ITSN1: variants seen among roughly 807,000 people sequenced by gnomAD.
The protein encoded by ITSN1 is intersectin-1.
Under a neutral mutation model 239.8 loss-of-function variants are expected in ITSN1, and 58 were observed. That is an observed-to-expected ratio of 0.24 (90% CI 0.20 to 0.30). The LOEUF (loss-of-function observed/expected upper bound fraction) is 0.30, where lower values mean the gene tolerates loss of function less well. Among genes scored for constraint, ITSN1 ranks in the 10% least tolerant of loss-of-function variants. The pLI, the probability that ITSN1 is intolerant of heterozygous loss-of-function variation, is 1.00. For synonymous variants in ITSN1, 780 were observed against 770.8 expected (o/e 1.01, Z -0.20); for missense variants, 1,558 against 2,103.3 (o/e 0.74, Z 5.07).
rs191579985 is a variant in ITSN1 at position 33,885,482 on chromosome 21, C to T, written c.4803C>T (p.Asn1601=). The T allele has an allele frequency of 2.0e-5, 32 of 1,614,058 alleles. No homozygotes were observed. The highest frequency in any genetic ancestry group is 3.3e-4 in the Middle Eastern group (2 of 6,062). The change falls in exon 38 of 40, where the codon AAC becomes AAT. Residue 1601 remains asparagine, a synonymous_variant. Coordinates refer to ENST00000381318, the MANE Select transcript of ITSN1 (RefSeq NM_003024.3). ...CAGGCATTGGAAGGTTGATGGTGAA[C>T]GTGGTTGAAGGCATCGAGTTGAAAC... ...RATGIGRLMV[N]VVEGIELKPC...
intron 16 of ITSN1, among the ~76,000 whole-genome samples, chr21:33,784,890 C>T (rs1004286916): frequency 1.3e-5 from 2 of 152,154 alleles, no homozygotes; most frequent in African/African-American, 4.8e-5. Flanking sequence ...TTCTTCAGTG[C>T]CCCTCTTGAT....
At chr21:33,698,624 C>CA (rs1269253638) in intron 1 of ITSN1, among the ~76,000 whole-genome samples, 1 of 152,176 alleles carries the variant, frequency 6.6e-6, no homozygotes, top group Non-Finnish European at 1.5e-5. Context: ...TCAGACATGA[C>CA]AATAGGGCAT....
At chr21:33,672,526 T>G (rs2090350197) in intron 1 of ITSN1, among the ~76,000 whole-genome samples, 1 of 152,146 alleles carries the variant, frequency 6.6e-6, no homozygotes, top group Admixed American at 6.5e-5. Flanking sequence ...ACACTGTTGG[T>G]GGGAATGTAA....
Position 33,882,093 on chromosome 21 carries a change from T to C in ITSN1, c.4342-150T>C. ...GAACTGTGCCTTTGTCTGACTTTGA[T>C]CTCTTGGCTCCAAAGTCTTCAAAGC... is the stretch of plus-strand genomic sequence containing the variant. On this transcript the variant is annotated intron_variant, in intron 34 of 39. Coordinates refer to ENST00000381318, the MANE Select transcript of ITSN1 (RefSeq NM_003024.3). This position sits in a 1 kb window ranked among gnomAD's most constrained non-coding sequence, Gnocchi z 4.5. The C allele has an allele frequency of 1.6e-6, 1 of 645,098 alleles. No homozygotes were observed. Among genetic ancestry groups the C allele is most frequent in the Non-Finnish European group, 2.7e-6 (1 of 374,696 alleles). The allele number at this position is 645,098 out of a possible 1,614,324, so 40.0% of individuals were successfully genotyped here.
chr21:33,763,068 C>T (rs1273712831), intron 9 of ITSN1, among the ~76,000 whole-genome samples: 3 of 151,890 alleles, frequency 2.0e-5, no homozygotes, highest in Admixed American at 6.6e-5. Context: ...CTTAGAGTGC[C>T]TCAGAATGTT....
intron 29 of ITSN1, among the ~76,000 whole-genome samples, chr21:33,841,928 T>C (rs2074836701): frequency 6.8e-6 from 1 of 146,814 alleles, no homozygotes; most frequent in African/African-American, 2.5e-5. Context: ...GCCAGAGTTC[T>C]CTTGGGCACT....
rs1043167073 is a variant in ITSN1, at chr21:33,839,497, G to A, written c.3661+2865G>A. Among the ~76,000 whole-genome samples the A allele has an allele frequency of 3.3e-5, 5 of 152,162 alleles. No homozygotes were observed. The East Asian group carries it at 9.6e-4, about 29-fold the overall frequency. On this transcript the variant is annotated intron_variant, in intron 29 of 39. Coordinates refer to ENST00000381318, the MANE Select transcript of ITSN1 (RefSeq NM_003024.3). ...GCTGTCAGGACAAGCAAAGGCCCAG[G>A]GGTGGGCGGGGAGATCCTTCTCACT... is the stretch of plus-strand genomic sequence containing the variant.
At chr21:33,813,346 A>C (rs1298424441) in intron 21 of ITSN1, among the ~76,000 whole-genome samples, 3 of 150,250 alleles carry the variant, frequency 2.0e-5, no homozygotes, top group Admixed American at 2.0e-4. Flanking sequence ...CACCACACCC[A>C]GCTAACTTTT....
At chr21:33,794,277 T>C in intron 16 of ITSN1, 64 bp from the exon 17 acceptor site, 1 of 1,218,702 alleles carries the variant, frequency 8.2e-7, no homozygotes, top group Non-Finnish European at 1.2e-6. Context: ...TGTTGCATGC[T>C]GATAAATAGT....
intron 1 of ITSN1, among the ~76,000 whole-genome samples, chr21:33,649,210 A>G (rs546254611): frequency 6.6e-6 from 1 of 152,282 alleles, no homozygotes; most frequent in South Asian, 2.1e-4. Flanking sequence ...CTGAATGTGA[A>G]TGTTGGCCAC....
intron 1 of ITSN1, among the ~76,000 whole-genome samples, chr21:33,668,865 G>A (rs749363207): frequency 9.9e-5 from 15 of 152,282 alleles, no homozygotes; most frequent in Non-Finnish European, 1.8e-4. Flanking sequence ...TGGCTCCTCC[G>A]TCCTGCTTCT....
At chr21:33,750,646 A>G (rs1441625935) in intron 6 of ITSN1, among the ~76,000 whole-genome samples, 2 of 152,214 alleles carry the variant, frequency 1.3e-5, no homozygotes, top group African/African-American at 4.8e-5. Context: ...AACATTTTCT[A>G]TTTTTATGTA....
intron 1 of ITSN1, among the ~76,000 whole-genome samples, chr21:33,713,980 A>G (rs1314629951): frequency 6.6e-6 from 1 of 151,898 alleles, no homozygotes; most frequent in Non-Finnish European, 1.5e-5. Flanking sequence ...GACTACAGGC[A>G]TGTGCCACCA....
chr21:33,688,335 A>G (rs965409696), intron 1 of ITSN1, among the ~76,000 whole-genome samples: 1 of 152,206 alleles, frequency 6.6e-6, no homozygotes, highest in African/African-American at 2.4e-5. Context: ...TTTGTTCCCA[A>G]ACATTCGTAG....
At position 33,892,844 on chromosome 21, in the gene ITSN1, G is replaced by A. The variant is rs2834289; in HGVS notation, c.*4544G>A. ...AGAGGAAGGTGGGCTTTCCTTGTCC[G>A]TCAGGCTGCACTCATGAGGTGATAT... On this transcript the variant is annotated 3_prime_UTR_variant, in exon 40 of 40. Transcript: ENST00000381318. 10 of 152,098 alleles carry A rather than the reference G, an allele frequency of 6.6e-5. No individual in the cohort carries two copies. Among genetic ancestry groups the A allele is most frequent in the African/African-American group, 1.4e-4 (6 of 41,406 alleles). The allele number at this position is 152,098 out of a possible 1,614,324, so 9.4% of individuals were successfully genotyped here.
intron 7 of ITSN1, among the ~76,000 whole-genome samples, chr21:33,752,444 A>G (rs1290672816): frequency 6.6e-6 from 1 of 152,200 alleles, no homozygotes. Flanking sequence ...GTGTGGCTCA[A>G]TTTTATTAAA....
At chr21:33,800,156 CA>C (rs1335517205) in intron 19 of ITSN1, among the ~76,000 whole-genome samples, 4 of 151,938 alleles carry the variant, frequency 2.6e-5, no homozygotes, top group Non-Finnish European at 4.4e-5. Flanking sequence ...TTGATAAAGA[CA>C]GTGTGTTCTT....
Position 33,768,421 on chromosome 21 carries a change from A to G in ITSN1, c.1042+593A>G, listed in dbSNP as rs117203363. 2.3e-3 allele frequency among the ~76,000 whole-genome samples: 350 copies of G among 152,192 alleles called. 3 individuals are homozygous for G. Among genetic ancestry groups the G allele is most frequent in the Non-Finnish European group, 4.5e-3 (308 of 68,006 alleles). On this transcript the variant is annotated intron_variant, in intron 11 of 39. Transcript: ENST00000381318. ...CTCAGCCTCTGGAGTAGTTGGGACT[A>G]CAGGCACATGCACCACGCCCGGCTA...
chr21:33,723,311 C>T (rs1238770680), intron 4 of ITSN1, among the ~76,000 whole-genome samples: 6 of 152,072 alleles, frequency 3.9e-5, no homozygotes, highest in Admixed American at 6.6e-5. Flanking sequence ...GAAGGCAGCT[C>T]GCTATGAAGA....
Sources: allele counts gnomAD v4.1 joint callset (sites outside exome capture counted in the v4.1 genomes callset), GRCh38; gene constraint gnomAD v4.1.1; non-coding constraint Gnocchi (gnomAD v3.1); transcripts MANE v1.5; gene names NCBI Gene and HGNC (gene_info 2026-07-23, HGNC 2026-07-21).